Variants in PTPRD observed in about 807,000 individuals in gnomAD.
PTPRD encodes protein tyrosine phosphatase receptor type D.
PTPRD carries 34 observed loss-of-function variants against 214.5 expected under a neutral mutation model. The ratio of observed to expected loss-of-function variants is 0.16; its 90% confidence interval spans 0.12 to 0.21. The LOEUF is 0.21. Ranked by LOEUF, PTPRD falls within the 10% of genes least tolerant of loss-of-function variation. PTPRD has a pLI of 1.00. For missense variants in PTPRD, 2,545 were observed against 2,398.7 expected, an observed-to-expected ratio of 1.06 and a Z score of -1.27; for synonymous variants, 1,128 against 845.7, an observed-to-expected ratio of 1.33 and a Z score of -5.79.
intron 5 of PTPRD, among the ~76,000 whole-genome samples, chr9:9,927,663 T>C (rs1206616680): frequency 6.6e-6 from 1 of 152,172 alleles, no homozygotes; most frequent in East Asian, 1.9e-4. Flanking sequence ...GCATCTCCTA[T>C]GATGGATAAA....
chr9:9,050,281 T>A (rs1027487652), intron 10 of PTPRD, among the ~76,000 whole-genome samples: 1 of 152,152 alleles, frequency 6.6e-6, no homozygotes, highest in Non-Finnish European at 1.5e-5. Flanking sequence ...GTCATGACAC[T>A]GAAAAGTATG....
intron 5 of PTPRD, among the ~76,000 whole-genome samples, chr9:9,916,411 A>G (rs561027993): frequency 7.9e-5 from 12 of 152,124 alleles, no homozygotes; most frequent in African/African-American, 2.4e-4. Context: ...CAAGAAATCA[A>G]TCAAATGATA....
At chr9:10,054,323 T>C (rs2097583417) in intron 3 of PTPRD, among the ~76,000 whole-genome samples, 1 of 152,198 alleles carries the variant, frequency 6.6e-6, no homozygotes, top group South Asian at 2.1e-4. Flanking sequence ...TTTATGCGTC[T>C]CTCATTCATG....
intron 11 of PTPRD, among the ~76,000 whole-genome samples, chr9:8,912,911 C>G (rs1202475114): frequency 6.6e-6 from 1 of 152,016 alleles, no homozygotes; most frequent in Non-Finnish European, 1.5e-5. Flanking sequence ...TGTTGTACAG[C>G]TCAAATGAGA....
chr9:9,863,303 A>C (rs1693596142), intron 5 of PTPRD, among the ~76,000 whole-genome samples: 2 of 152,224 alleles, frequency 1.3e-5, no homozygotes, highest in South Asian at 2.1e-4. Context: ...ACATTCTAAA[A>C]AATTTGATAA....
chr9:9,582,211 C>A (rs1173457804), intron 7 of PTPRD, among the ~76,000 whole-genome samples: 1 of 152,140 alleles, frequency 6.6e-6, no homozygotes, highest in Non-Finnish European at 1.5e-5. Context: ...CATCCTTAGT[C>A]TCAATGCCAT....
intron 3 of PTPRD, among the ~76,000 whole-genome samples, chr9:10,123,799 T>A (rs1406971955): frequency 2.6e-5 from 4 of 152,216 alleles, no homozygotes; most frequent in Non-Finnish European, 5.9e-5. Flanking sequence ...TGTGTTTTAG[T>A]TACATTATGG....
chr9:9,191,122 G>T (rs1265382143), intron 9 of PTPRD, among the ~76,000 whole-genome samples: 1 of 152,088 alleles, frequency 6.6e-6, no homozygotes, highest in African/African-American at 2.4e-5. Context: ...TAAAAAGACT[G>T]GGGCTTCTTT....
chr9:9,786,373 G>T (rs75063608), intron 5 of PTPRD, among the ~76,000 whole-genome samples: 2 of 152,260 alleles, frequency 1.3e-5, no homozygotes, highest in African/African-American at 4.8e-5. Context: ...TATTAGCATC[G>T]AGAGAGTATC....
intron 11 of PTPRD, among the ~76,000 whole-genome samples, chr9:8,809,092 C>T (rs2096748638): frequency 6.6e-6 from 1 of 152,134 alleles, no homozygotes; most frequent in South Asian, 2.1e-4. Context: ...CTAGTTGTTA[C>T]ACCACTTAGA....
intron 5 of PTPRD, among the ~76,000 whole-genome samples, chr9:9,773,883 C>T (rs1056114372): frequency 2.0e-5 from 3 of 152,180 alleles, no homozygotes; most frequent in African/African-American, 4.8e-5. Context: ...TAGTGGTTAT[C>T]TCTGAGTTGT....
At chr9:9,236,492 A>C (rs1273004708) in intron 9 of PTPRD, among the ~76,000 whole-genome samples, 1 of 151,540 alleles carries the variant, frequency 6.6e-6, no homozygotes, top group South Asian at 2.1e-4. Context: ...TACTCTCTCA[A>C]CTTCCTGGGA....
At chr9:10,429,681 G>A (rs1440096270) in intron 2 of PTPRD, among the ~76,000 whole-genome samples, 1 of 150,944 alleles carries the variant, frequency 6.6e-6, no homozygotes, top group Admixed American at 6.7e-5. Flanking sequence ...TTCTATATAT[G>A]TTCACATGGA....
At chr9:8,528,805 A>G (rs375060810) in intron 14 of PTPRD, 26 bp from the exon 15 acceptor site, 22 of 1,607,174 alleles carry the variant, frequency 1.4e-5, no homozygotes, top group African/African-American at 1.1e-4. Context: ...TGATAGAAAC[A>G]TTCAGTTAAT....
intron 12 of PTPRD, among the ~76,000 whole-genome samples, chr9:8,689,898 A>G (rs1314837640): frequency 6.6e-6 from 1 of 152,130 alleles, no homozygotes; most frequent in South Asian, 2.1e-4. Flanking sequence ...AACTGAGGTT[A>G]GGAGTTCAAG....
intron 7 of PTPRD, among the ~76,000 whole-genome samples, chr9:9,582,018 G>T (rs1438083366): frequency 2.0e-5 from 3 of 152,096 alleles, no homozygotes; most frequent in African/African-American, 7.2e-5. Context: ...ACTAGACATT[G>T]TACAATTGCA....
intron 11 of PTPRD, chr9:8,797,241 C>T (rs1409983757): frequency 2.0e-5 from 3 of 152,118 alleles, no homozygotes; most frequent in African/African-American, 4.8e-5. Flanking sequence ...TACAAATGAA[C>T]GTAAATCCTA....
At chr9:9,834,710 T>G (rs1346322103) in intron 5 of PTPRD, among the ~76,000 whole-genome samples, 2 of 152,046 alleles carry the variant, frequency 1.3e-5, no homozygotes, top group Non-Finnish European at 2.9e-5. Context: ...AAAACATTAG[T>G]ACAGCCACCT....
chr9:10,517,422 C>T (rs1487277944), intron 2 of PTPRD, among the ~76,000 whole-genome samples: 3 of 151,920 alleles, frequency 2.0e-5, no homozygotes, highest in Non-Finnish European at 2.9e-5. Flanking sequence ...ATTTTATTTA[C>T]TAAAATTTTA....
Sources: allele counts gnomAD v4.1 joint callset (sites outside exome capture counted in the v4.1 genomes callset), GRCh38; gene constraint gnomAD v4.1.1; transcripts MANE v1.5; gene names NCBI Gene and HGNC (gene_info 2026-07-23, HGNC 2026-07-21).